NETO1: variants seen among roughly 807,000 people sequenced by gnomAD.
NETO1 encodes neuropilin and tolloid-like protein 1.
In NETO1, 26 loss-of-function variants were observed where a neutral mutation model predicts 61.3. The observed-to-expected ratio is 0.42, with a 90% CI of 0.31 to 0.59. NETO1 has a LOEUF of 0.59. Among genes scored for constraint, NETO1 ranks in the 20% least tolerant of loss-of-function variants. NETO1 has a pLI of 0.12. For synonymous variants in NETO1, 225 were observed against 225.8 expected (o/e 1.00, Z 0.03); for missense variants, 531 against 662.8 (o/e 0.80, Z 2.18).
At chr18:72,753,797 AG>A (rs1340638192) in intron 8 of NETO1, among the ~76,000 whole-genome samples, 1 of 152,212 alleles carries the variant, frequency 6.6e-6, no homozygotes, top group Admixed American at 6.5e-5. Flanking sequence ...GTGACAATAT[AG>A]TATAAACAAG....
At chr18:72,809,030 C>A (rs950720803) in intron 4 of NETO1, among the ~76,000 whole-genome samples, 5 of 152,328 alleles carry the variant, frequency 3.3e-5, no homozygotes, top group East Asian at 3.9e-4. Flanking sequence ...GTAAAGTTAT[C>A]ATATTCTGTA....
chr18:72,841,514 C>G (rs1359367720), intron 4 of NETO1, among the ~76,000 whole-genome samples: 2 of 151,916 alleles, frequency 1.3e-5, no homozygotes, highest in Admixed American at 1.3e-4. Context: ...GGGTGGATCA[C>G]CTGAGGTCAG....
intron 8 of NETO1, among the ~76,000 whole-genome samples, chr18:72,753,538 T>C (rs757516759): frequency 6.6e-6 from 1 of 152,154 alleles, no homozygotes; most frequent in African/African-American, 2.4e-5. Flanking sequence ...AAAATAAATA[T>C]GGAAGAGAGT....
intron 4 of NETO1, among the ~76,000 whole-genome samples, chr18:72,804,021 T>G (rs2072594248): frequency 6.6e-6 from 1 of 152,190 alleles, no homozygotes; most frequent in African/African-American, 2.4e-5. Flanking sequence ...AATTAATATT[T>G]TAATATTCAT....
intron 6 of NETO1, among the ~76,000 whole-genome samples, chr18:72,793,200 A>G (rs1388685252): frequency 6.6e-6 from 1 of 152,194 alleles, no homozygotes; most frequent in African/African-American, 2.4e-5. Context: ...CACAGTTTCA[A>G]TCTCAATAAA....
At chr18:72,852,659 C>T (rs745529712) in intron 4 of NETO1, among the ~76,000 whole-genome samples, 2 of 152,138 alleles carry the variant, frequency 1.3e-5, no homozygotes, top group Non-Finnish European at 1.5e-5. Context: ...CCCACCTAGA[C>T]CAAACAAGAT....
intron 7 of NETO1, among the ~76,000 whole-genome samples, chr18:72,765,179 T>C (rs2071111589): frequency 6.6e-6 from 1 of 152,188 alleles, no homozygotes; most frequent in African/African-American, 2.4e-5. Flanking sequence ...TAAACATTTA[T>C]AGAATTCTTC....
intron 4 of NETO1, among the ~76,000 whole-genome samples, chr18:72,797,666 C>T (rs528476842): frequency 1.3e-5 from 2 of 152,308 alleles, no homozygotes; most frequent in African/African-American, 4.8e-5. Flanking sequence ...AATCATGGAA[C>T]TCTCCTGGTT....
At chr18:72,832,541 C>T (rs1425511417) in intron 4 of NETO1, among the ~76,000 whole-genome samples, 1 of 152,134 alleles carries the variant, frequency 6.6e-6, no homozygotes, top group Non-Finnish European at 1.5e-5. Flanking sequence ...TTAACCCATA[C>T]ATTGCAATAA....
chr18:72,848,093 T>C lies in NETO1; in HGVS notation c.469+10733A>G, dbSNP rs1432375729. Among the ~76,000 whole-genome samples the C allele has an allele frequency of 2.6e-5, 4 of 152,186 alleles. 1 individual carries two copies. Among genetic ancestry groups the C allele is most frequent in the Admixed American group, 2.0e-4 (3 of 15,280 alleles). ...TCCCTGTTCCATATTGAAGGCTGCC[T>C]ATATTACACTAAGCCCTCCCAGAAA... On this transcript the variant is annotated intron_variant, in intron 4 of 10. Coordinates refer to ENST00000327305, the MANE Select transcript of NETO1 (RefSeq NM_138966.5).
intron 7 of NETO1, among the ~76,000 whole-genome samples, chr18:72,764,213 C>A (rs1384999169): frequency 2.0e-5 from 3 of 152,066 alleles, no homozygotes; most frequent in Non-Finnish European, 4.4e-5. Context: ...TTTTATCAGC[C>A]TTGAATATTT....
chr18:72,828,036 G>T (rs1023869164), intron 4 of NETO1, among the ~76,000 whole-genome samples: 3 of 152,202 alleles, frequency 2.0e-5, no homozygotes, highest in Non-Finnish European at 2.9e-5. Context: ...AATGCAGCCA[G>T]GCGTGGTGGC....
intron 4 of NETO1, among the ~76,000 whole-genome samples, chr18:72,845,635 G>A (rs1000620946): frequency 9.2e-5 from 14 of 152,334 alleles, no homozygotes; most frequent in African/African-American, 3.1e-4. Context: ...TTAGTGGAAT[G>A]TGTATAGTGA....
In NETO1 at chr18:72,746,544, C is replaced by T. The variant is rs1165435458; in HGVS notation, c.*1635G>A. 6.6e-6 allele frequency among the ~76,000 whole-genome samples: 1 copy of T among 151,898 alleles called. No homozygotes were observed. The highest frequency in any genetic ancestry group is 1.5e-5 in the Non-Finnish European group (1 of 67,942). Reference sequence around the variant, plus strand: ...AGAGTGTTTATAATGGCTATGATAACTCTTTGACTTTTCTATTATAAAAAT... The same window carrying T: ...AGAGTGTTTATAATGGCTATGATAATTCTTTGACTTTTCTATTATAAAAAT... On this transcript the variant is annotated 3_prime_UTR_variant, in exon 11 of 11. Coordinates refer to ENST00000327305, the MANE Select transcript of NETO1 (RefSeq NM_138966.5).
intron 7 of NETO1, among the ~76,000 whole-genome samples, chr18:72,763,055 A>G (rs2071031852): frequency 6.6e-6 from 1 of 152,178 alleles, no homozygotes; most frequent in South Asian, 2.1e-4. Context: ...CACTGTTTCA[A>G]TTCTGTAACT....
chr18:72,844,865 G>A (rs2074038222), intron 4 of NETO1, among the ~76,000 whole-genome samples: 1 of 152,222 alleles, frequency 6.6e-6, no homozygotes, highest in Admixed American at 6.5e-5. Context: ...TGGAGCTGTG[G>A]CTACGTGAGC....
At chr18:72,783,533 A>C in intron 7 of NETO1, 145 bp downstream of exon 7, 1 of 665,842 alleles carries the variant, frequency 1.5e-6, no homozygotes, top group Non-Finnish European at 2.6e-6. Flanking sequence ...TCAAAATGAG[A>C]AAAAGAGGAC....
chr18:72,842,525 G>C (rs772709026), intron 4 of NETO1, among the ~76,000 whole-genome samples: 1 of 152,098 alleles, frequency 6.6e-6, no homozygotes, highest in Non-Finnish European at 1.5e-5. Context: ...ATGATATAGG[G>C]ACAATTATTA....
chr18:72,864,581 A>C (rs2074677061), intron 3 of NETO1, among the ~76,000 whole-genome samples: 1 of 152,352 alleles, frequency 6.6e-6, no homozygotes, highest in South Asian at 2.1e-4. Context: ...TAAGTTGTTC[A>C]TCTGTTTTTA....
Sources: allele counts gnomAD v4.1 joint callset (sites outside exome capture counted in the v4.1 genomes callset), GRCh38; gene constraint gnomAD v4.1.1; transcripts MANE v1.5; gene names NCBI Gene and HGNC (gene_info 2026-07-23, HGNC 2026-07-21).